ULK1: variants seen among roughly 807,000 people sequenced by gnomAD.
ULK1 encodes serine/threonine-protein kinase ULK1.
Under a neutral mutation model 117.5 loss-of-function variants are expected in ULK1, and 48 were observed. That is an observed-to-expected ratio of 0.41 (90% CI 0.32 to 0.52). The LOEUF is 0.52. ULK1 is among the 20% of genes least tolerant of loss of function. The pLI is 0.29. For missense variants in ULK1, 1,387 were observed against 1,473.4 expected (o/e 0.94, Z 0.96); for synonymous variants, 790 against 637.8 (o/e 1.24, Z -3.60).
intron 3 of ULK1, 100 bp from the exon 4 acceptor site, chr12:131,906,792 A>G: frequency 6.8e-7 from 1 of 1,478,778 alleles, no homozygotes; most frequent in Non-Finnish European, 9.4e-7. Context: ...AAGTCCTGGC[A>G]CTGCAGGGCC....
intron 26 of ULK1, 25 bp from the exon 27 acceptor site, chr12:131,921,075 G>A: frequency 6.4e-7 from 1 of 1,567,514 alleles, no homozygotes; most frequent in Non-Finnish European, 8.6e-7. Context: ...AGCTGGCCCT[G>A]TCCAGCCTCT....
rs763790938 is a variant in ULK1 at position 131,917,411 on chromosome 12, C to T, written c.2183C>T (p.Ala728Val). Residue 728 changes from alanine to valine, a missense_variant and splice_region_variant, in exon 22 of 28, where the codon GCA becomes GTA. By Grantham distance (64) the Ala-to-Val change is moderately conservative (BLOSUM62 0). Coordinates refer to ENST00000321867, the MANE Select transcript of ULK1 (RefSeq NM_003565.4). ...ESLQEKPMEI[A>V]PSAGFGGSLH... The stretch of plus-strand genomic sequence containing the variant: ...CCTGAGCCCTTCCTTGCTCTCCCAG[C>T]ACCCTCAGCTGGCTTTGGAGGGAGC... 2 of 1,513,354 alleles carry T rather than the reference C, an allele frequency of 1.3e-6. No homozygotes were observed. The highest frequency in any genetic ancestry group is 1.4e-5 in the African/African-American group (1 of 70,538). 93.7% of individuals were successfully genotyped at this position (1,513,354 alleles called of 1,614,324 possible).
rs1179754548 is a variant in ULK1, at chr12:131,919,314, G to C, written c.2614G>C (p.Gly872Arg). The change falls in exon 24 of 28, where the codon GGG (glycine) becomes CGG (arginine). Residue 872 changes from glycine (G) to arginine (R), a missense_variant. Coordinates refer to ENST00000321867, the MANE Select transcript of ULK1 (RefSeq NM_003565.4). ...GAAGGGCAGCGCCAGTGAGGCGGCG[G>C]GGGGCCCTGAGTACCAGCTGCAGGA... Reference protein sequence around the residue: ...ALKGSASEAAGGPEYQLQESV... With the variant: ...ALKGSASEAARGPEYQLQESV... 1 of 1,590,272 alleles carries C rather than the reference G, an allele frequency of 6.3e-7. No homozygotes were observed. The highest frequency in any genetic ancestry group is 1.1e-5 in the South Asian group (1 of 89,392).
Position 131,898,714 on chromosome 12 carries a change from C to A in ULK1, c.246+2890C>A, listed in dbSNP as rs372948439. Among the ~76,000 whole-genome samples the A allele has an allele frequency of 2.6e-4, 40 of 151,702 alleles. 1 individual carries two copies. The East Asian group carries it at 4.7e-3, about 18-fold the overall frequency. ...ACACGGTTTCACCATGTTGGCCAGCCTGGTCTCGAACTGACCTCATGATCC... is the reference window on the plus strand; with the variant it reads ...ACACGGTTTCACCATGTTGGCCAGCATGGTCTCGAACTGACCTCATGATCC... On this transcript the variant is annotated intron_variant, in intron 3 of 27. Transcript: ENST00000321867.
intron 9 of ULK1, 36 bp from the exon 10 acceptor site, chr12:131,909,883 G>T (rs752079377): frequency 1.3e-5 from 21 of 1,610,304 alleles, no homozygotes; most frequent in African/African-American, 2.7e-5. Flanking sequence ...CTCCGGCCCC[G>T]CAGGCCCTGC....
intron 3 of ULK1, among the ~76,000 whole-genome samples, chr12:131,904,001 C>T (rs2136384479): frequency 6.6e-6 from 1 of 152,152 alleles, no homozygotes; most frequent in South Asian, 2.1e-4. Flanking sequence ...GCCAGTGTGG[C>T]TGGAGGGATG....
Position 131,919,250 on chromosome 12 carries a change from G to T in ULK1, c.2550G>T (p.Thr850=), listed in dbSNP as rs780312986. 6.3e-7 allele frequency: 1 copy of T among 1,597,810 alleles called. No individual in the cohort carries two copies. Residue 850 remains threonine, a synonymous_variant, in exon 24 of 28, where the codon ACG becomes ACT. Transcript: ENST00000321867. ...AGATCCTGCGTGGCCTGCGCTTCAC[G>T]CTGCTGTTCGTGCAGCACGTCCTGG... The part of the protein sequence containing the change: ...HTEILRGLRF[T]LLFVQHVLEI...
Position 131,916,987 on chromosome 12 carries a change from C to T in ULK1, c.2107C>T (p.Leu703Phe). The change falls in exon 21 of 28, where the codon CTT (leucine) becomes TTT (phenylalanine). Residue 703 changes from leucine to phenylalanine, a missense_variant. By Grantham distance (22) the Leu-to-Phe change is conservative (BLOSUM62 0). Around this residue, in one of 4 missense-constraint regions of ULK1, gnomAD observed 900 missense variants for 858.9 expected, o/e 1.05. Coordinates refer to ENST00000321867, the MANE Select transcript of ULK1 (RefSeq NM_003565.4). Reference sequence around the variant, plus strand: ...CACCAGCCGCCTCACTGACCTGCTCCTTAAGGCGGCGTTTGGGACACAAGC... The same window carrying T: ...CACCAGCCGCCTCACTGACCTGCTCTTTAAGGCGGCGTTTGGGACACAAGC... Reference protein sequence around the residue: ...FSTSRLTDLLLKAAFGTQAPD... With the variant: ...FSTSRLTDLLFKAAFGTQAPD... The T allele has an allele frequency of 6.2e-7, 1 of 1,610,356 alleles. No individual in the cohort carries two copies. The highest frequency in any genetic ancestry group is 8.5e-7 in the Non-Finnish European group (1 of 1,179,152).
At position 131,901,079 on chromosome 12, in the gene ULK1, CTG is replaced by C. The variant is rs1196332671; in HGVS notation, c.246+5256_246+5257del. Reference sequence around the variant, plus strand: ...TAACTTTGAAAACAATGGGATGAGACTGGGCACAGTGGCTCACGCCTGTAATC... The same window carrying C: ...TAACTTTGAAAACAATGGGATGAGACGGCACAGTGGCTCACGCCTGTAATC... On this transcript the variant is annotated intron_variant, in intron 3 of 27. Transcript: ENST00000321867. 2.0e-5 allele frequency among the ~76,000 whole-genome samples: 3 copies of C among 150,592 alleles called. No individual in the cohort carries two copies. In the East Asian group the frequency reaches 5.8e-4, roughly 29 times the overall value.
intron 23 of ULK1, among the ~76,000 whole-genome samples, 155 bp downstream of exon 23, chr12:131,918,836 G>GTCGGGTGTGGGGTGTAGGGTA (rs1566129063): frequency 2.8e-5 from 3 of 106,986 alleles, no homozygotes; most frequent in Non-Finnish European, 2.2e-5. Context: ...TGTGTGGGGT[G>GTCGGGTGTGGGGTGTAGGGTA]TGGGGTGTCG....
chr12:131,914,113 A>T (rs1388500284), intron 15 of ULK1, among the ~76,000 whole-genome samples: 2 of 152,234 alleles, frequency 1.3e-5, no homozygotes, highest in Admixed American at 6.5e-5. Flanking sequence ...GGCCCCGGCC[A>T]GGGTGGCCCC....
intron 10 of ULK1, 103 bp downstream of exon 10, chr12:131,910,104 A>G (rs547217495): frequency 8.3e-6 from 13 of 1,561,994 alleles, no homozygotes; most frequent in Admixed American, 3.4e-5. Context: ...CCATGTGCAC[A>G]CTGCCCTTTC....
chr12:131,897,431 C>G (rs1313861867), intron 3 of ULK1: 4 of 152,206 alleles, frequency 2.6e-5, no homozygotes, highest in Admixed American at 2.6e-4. Context: ...TAGTTGTTTC[C>G]GGGCCACCGG....
chr12:131,895,407 C>G (rs1888826599), intron 1 of ULK1, among the ~76,000 whole-genome samples, 194 bp from the exon 2 acceptor site: 1 of 151,842 alleles, frequency 6.6e-6, no homozygotes, highest in Non-Finnish European at 1.5e-5. Flanking sequence ...GCAACCTGGT[C>G]CCACAGCCGG....
chr12:131,921,440 C>A lies in ULK1; in HGVS notation c.*79C>A. 6.3e-7 allele frequency: 1 copy of A among 1,586,604 alleles called. No homozygotes were observed. Among genetic ancestry groups the A allele is most frequent in the Non-Finnish European group, 8.5e-7 (1 of 1,170,602 alleles). ...TGTGTGCTGGCTGGACTCCTCGGGA[C>A]AAGCCCATGGCGCTGATCGCTGGTG... is the stretch of plus-strand genomic sequence containing the variant. On this transcript the variant is annotated 3_prime_UTR_variant, in exon 28 of 28. Coordinates refer to ENST00000321867, the MANE Select transcript of ULK1 (RefSeq NM_003565.4).
At chr12:131,909,646 A>C in intron 8 of ULK1, 129 bp from the exon 9 acceptor site, 1 of 980,650 alleles carries the variant, frequency 1.0e-6, no homozygotes, top group Non-Finnish European at 1.5e-6. Flanking sequence ...CAGCCGCGCT[A>C]GCACCCGGTT....
intron 16 of ULK1, 44 bp downstream of exon 16, chr12:131,914,521 G>C (rs570934165): frequency 1.3e-6 from 2 of 1,588,074 alleles, no homozygotes; most frequent in African/African-American, 2.7e-5. Flanking sequence ...CTGGGGCCTT[G>C]TGTGGCAGGA....
intron 3 of ULK1, among the ~76,000 whole-genome samples, chr12:131,906,322 C>G (rs1236819582): frequency 1.3e-5 from 2 of 152,166 alleles, no homozygotes; most frequent in African/African-American, 4.8e-5. Flanking sequence ...AACTGCTGAC[C>G]TCATGATCCA....
chr12:131,901,640 G>C (rs1889095314), intron 3 of ULK1, among the ~76,000 whole-genome samples: 1 of 152,208 alleles, frequency 6.6e-6, no homozygotes, highest in Non-Finnish European at 1.5e-5. Context: ...TCAGCCGTAG[G>C]TTGAGGGGTG....
Sources: gnomAD v4.1 joint callset for allele counts (sites outside exome capture counted in the v4.1 genomes callset) on GRCh38, gnomAD v4.1.1 for gene constraint, gnomAD v4.1.1 regional missense constraint, MANE v1.5 for transcripts, NCBI Gene and HGNC (gene_info 2026-07-23, HGNC 2026-07-21) for gene names.